The following CCDC57 variants were observed in gnomAD, a reference collection of about 807,000 sequenced individuals.
CCDC57 encodes coiled-coil domain-containing protein 57.
A neutral mutation model predicts 118.9 loss-of-function variants in CCDC57; 118 were observed. That is an observed-to-expected ratio of 0.99 (90% CI 0.86 to 1.16). The LOEUF is 1.16. Ranked by LOEUF, CCDC57 falls within the 50% of genes most tolerant of loss-of-function variation. The pLI, the probability that CCDC57 is intolerant of heterozygous loss-of-function variation, is 0.00. For missense variants in CCDC57, 1,300 were observed against 1,320.7 expected, an observed-to-expected ratio of 0.98 and a Z score of 0.24; for synonymous variants, 527 against 532.9, an observed-to-expected ratio of 0.99 and a Z score of 0.15.
At chr17:82,123,608 T>C (rs2037031171) in intron 19 of CCDC57, among the ~76,000 whole-genome samples, 1 of 152,064 alleles carries the variant, frequency 6.6e-6, no homozygotes, top group African/African-American at 2.4e-5. Flanking sequence ...AACAGATAGA[T>C]TGATAATTGT....
chr17:82,109,728 G>C (rs2035114705), intron 19 of CCDC57, among the ~76,000 whole-genome samples: 1 of 151,592 alleles, frequency 6.6e-6, no homozygotes, highest in African/African-American at 2.4e-5. Context: ...GTGGTGGCGG[G>C]CACCTGTAGT....
chr17:82,149,259 G>GGAT (rs1374243961), intron 16 of CCDC57, among the ~76,000 whole-genome samples: 1 of 74,134 alleles, frequency 1.3e-5, no homozygotes. Context: ...ATGGATGGAT[G>GGAT]GGGGGGGTGG....
chr17:82,194,298 A>G, intron 5 of CCDC57, 159 bp from the exon 5 acceptor site: 1 of 692,088 alleles, frequency 1.4e-6, no homozygotes, highest in South Asian at 2.2e-5. Context: ...AACTCAAACG[A>G]GACTCAATGA....
chr17:82,102,655 G>A (rs74912265), intron 19 of CCDC57, among the ~76,000 whole-genome samples: 75 of 152,252 alleles, frequency 4.9e-4, no homozygotes, highest in African/African-American at 1.5e-3. Flanking sequence ...GGCCGAGGTG[G>A]GTGGATCACC....
intron 16 of CCDC57, among the ~76,000 whole-genome samples, chr17:82,136,657 G>A (rs568870459): frequency 6.6e-6 from 1 of 151,738 alleles, no homozygotes; most frequent in Non-Finnish European, 1.5e-5. Flanking sequence ...GAGTGCAGTG[G>A]TGCAATCGCG....
At chr17:82,198,730 C>A (rs1204216863) in intron 3 of CCDC57, among the ~76,000 whole-genome samples, 3 of 151,982 alleles carry the variant, frequency 2.0e-5, no homozygotes, top group Non-Finnish European at 4.4e-5. Context: ...GTGGCTCACG[C>A]CTGTAATCCC....
At chr17:82,170,060 T>G (rs2044489407) in intron 13 of CCDC57, among the ~76,000 whole-genome samples, 1 of 152,190 alleles carries the variant, frequency 6.6e-6, no homozygotes, top group South Asian at 2.1e-4. Context: ...AGAGGGGCTG[T>G]CGAAAGGCCA....
chr17:82,132,759 C>CTTTTTTTTTTTTTTTTTTTTTTTTTTT lies in CCDC57; in HGVS notation c.2577+1313_2577+1314insAAAAAAAAAAAAAAAAAAAAAAAAAAA, dbSNP rs71166188. Among the ~76,000 whole-genome samples the CTTTTTTTTTTTTTTTTTTTTTTTTTTT allele has an allele frequency of 2.4e-5, 3 of 123,948 alleles. 1 individual carries two copies. The highest frequency in any genetic ancestry group is 6.1e-5 in the African/African-American group (2 of 32,832). The allele number at this position is 123,948 out of a possible 152,430, so 81.3% of individuals were successfully genotyped here. On this transcript the variant is annotated intron_variant, in intron 17 of 19. Transcript: ENST00000665763. ...TTATCTTTCTGTAGAGACAACCTTG[C>CTTTTTTTTTTTTTTTTTTTTTTTTTTT]TTTTTTTTTTTTTTTTTTGAGACGG... is the stretch of plus-strand genomic sequence containing the variant.
intron 19 of CCDC57, among the ~76,000 whole-genome samples, chr17:82,107,118 TATC>T (rs1478276638): frequency 6.6e-6 from 1 of 152,136 alleles, no homozygotes; most frequent in Non-Finnish European, 1.5e-5. Context: ...GCCACACACT[TATC>T]AGCTGCCCGA....
At chr17:82,193,583 G>A (rs773774514) in intron 7 of CCDC57, among the ~76,000 whole-genome samples, 173 bp downstream of exon 6, 73 of 151,706 alleles carry the variant, frequency 4.8e-4, no homozygotes, top group Admixed American at 8.5e-4. Context: ...AAGCAAGCAA[G>A]CAAGAAAGAA....
At chr17:82,113,604 A>G (rs2035460831) in intron 19 of CCDC57, 1 of 717,384 alleles carries the variant, frequency 1.4e-6, no homozygotes, top group African/African-American at 1.7e-5. Flanking sequence ...CTCCTTACCA[A>G]GCTCGCCTCC....
chr17:82,133,000 C>T (rs1395737498), intron 17 of CCDC57, among the ~76,000 whole-genome samples: 1 of 152,000 alleles, frequency 6.6e-6, no homozygotes, highest in Non-Finnish European at 1.5e-5. Context: ...CCTCATGATC[C>T]ACCCGCCTCG....
intron 2 of CCDC57, among the ~76,000 whole-genome samples, chr17:82,205,331 C>T (rs1250659968): frequency 6.6e-6 from 1 of 152,220 alleles, no homozygotes; most frequent in Non-Finnish European, 1.5e-5. Flanking sequence ...ACTGGGCTTG[C>T]CTCCTTAACT....
At chr17:82,105,179 G>C (rs937461660) in intron 19 of CCDC57, 1 of 152,358 alleles carries the variant, frequency 6.6e-6, no homozygotes, top group South Asian at 2.1e-4. Flanking sequence ...CTTGGGGCTG[G>C]GGAGGGCCTG....
chr17:82,211,407 G>A (rs997243227), intron 1 of CCDC57, among the ~76,000 whole-genome samples: 1 of 152,158 alleles, frequency 6.6e-6, no homozygotes, highest in African/African-American at 2.4e-5. Flanking sequence ...CCAGATCATG[G>A]GATGATACCA....
intron 17 of CCDC57, among the ~76,000 whole-genome samples, chr17:82,133,411 G>A (rs1282211306): frequency 1.9e-5 from 2 of 103,950 alleles, no homozygotes; most frequent in African/African-American, 7.6e-5. Context: ...GGTTCTGGGT[G>A]ACAGAGCCAG....
At chr17:82,138,649 A>ATGGCCTGCCCCGGGTCGGAAGAGACGCG (rs548848327) in intron 16 of CCDC57, among the ~76,000 whole-genome samples, 23,261 of 125,224 alleles carry the variant, frequency 0.19, 4,440 homozygotes, top group Non-Finnish European at 0.24. Flanking sequence ...GAAGAGACGC[A>ATGGCCTGCCCCGGGTCGGAAGAGACGCG]TGGCCTGCCC....
In CCDC57 at chr17:82,124,494, AC is replaced by A. The variant is rs1302146012; in HGVS notation, c.2899+3197del. On this transcript the variant is annotated intron_variant, in intron 19 of 19. Coordinates refer to ENST00000665763, the Ensembl canonical transcript of CCDC57. ...CAAATAGCTAGTCAAGTAAAAATTTACCTGTTCTAAAGATGAGGCCAGGCAC... is the reference window on the plus strand; with the variant it reads ...CAAATAGCTAGTCAAGTAAAAATTTACTGTTCTAAAGATGAGGCCAGGCAC... Among the ~76,000 whole-genome samples, 4 of 152,186 alleles carry A rather than the reference AC, an allele frequency of 2.6e-5. No homozygotes were observed. In the East Asian group the frequency reaches 7.7e-4, roughly 29 times the overall value.
At chr17:82,188,182 GC>G in intron 8 of CCDC57, 36 bp downstream of exon 7, 2 of 1,509,406 alleles carry the variant, frequency 1.3e-6, no homozygotes. Context: ...GGCCGTCCCT[GC>G]CCTCACCCTC....
Sources: allele counts gnomAD v4.1 joint callset (sites outside exome capture counted in the v4.1 genomes callset), GRCh38; gene constraint gnomAD v4.1.1; transcripts MANE v1.5; gene names NCBI Gene and HGNC (gene_info 2026-07-23, HGNC 2026-07-21).